Variants in CDH18 observed in about 807,000 individuals in gnomAD.
CDH18 encodes the protein cadherin 18, also known as cadherin-18.
In CDH18, 31 loss-of-function variants were observed where a neutral mutation model predicts 67.9. The observed-to-expected ratio is 0.46, with a 90% CI of 0.34 to 0.62. CDH18 has a LOEUF of 0.62. CDH18 is among the 20% of genes least tolerant of loss of function. CDH18 has a pLI of 0.01. For synonymous variants in CDH18, 362 were observed against 347.2 expected (o/e 1.04, Z -0.48); for missense variants, 890 against 975.5 (o/e 0.91, Z 1.17).
At chr5:19,664,588 T>A (rs1486104748) in intron 5 of CDH18, among the ~76,000 whole-genome samples, 3 of 93,100 alleles carry the variant, frequency 3.2e-5, no homozygotes, top group Non-Finnish European at 6.3e-5. Flanking sequence ...AACCCAAATA[T>A]ATATGCAAAG....
chr5:19,910,241 G>A (rs926773621), intron 2 of CDH18, among the ~76,000 whole-genome samples: 1 of 152,092 alleles, frequency 6.6e-6, no homozygotes, highest in African/African-American at 2.4e-5. Flanking sequence ...ATATATTCTA[G>A]TGAACTAGAG....
At chr5:19,957,308 G>A (rs28535516) in intron 2 of CDH18, among the ~76,000 whole-genome samples, 11,815 of 150,620 alleles carry the variant, frequency 0.078, 1,495 homozygotes, top group African/African-American at 0.27. Flanking sequence ...ATATGTATGT[G>A]TATATATATG....
chr5:20,172,214 A>ACATG (rs796558819), intron 2 of CDH18, among the ~76,000 whole-genome samples: 13 of 32,842 alleles, frequency 4.0e-4, no homozygotes, highest in African/African-American at 1.6e-3. Context: ...ATATATATAT[A>ACATG]TATATATATG....
intron 9 of CDH18, among the ~76,000 whole-genome samples, chr5:19,533,720 A>G (rs1339108450): frequency 6.6e-6 from 1 of 152,128 alleles, no homozygotes; most frequent in Non-Finnish European, 1.5e-5. Flanking sequence ...CTTGGCATGG[A>G]CAGTGCATTT....
chr5:20,129,547 T>C (rs1749093776), intron 2 of CDH18, among the ~76,000 whole-genome samples: 2 of 152,188 alleles, frequency 1.3e-5, no homozygotes, highest in East Asian at 1.9e-4. Flanking sequence ...TCCAAAGAAA[T>C]GTGAGTTGAT....
intron 2 of CDH18, among the ~76,000 whole-genome samples, chr5:20,122,795 C>T (rs967791709): frequency 1.4e-5 from 2 of 146,706 alleles, no homozygotes; most frequent in Admixed American, 6.9e-5. Context: ...TTTTCTAATT[C>T]GATATGAATA....
intron 8 of CDH18, among the ~76,000 whole-genome samples, chr5:19,548,624 T>C (rs1180572231): frequency 2.6e-5 from 4 of 152,136 alleles, no homozygotes; most frequent in Middle Eastern, 3.4e-3. Flanking sequence ...ATGAGGTAAG[T>C]ACTATTACTA....
intron 2 of CDH18, among the ~76,000 whole-genome samples, chr5:20,113,563 G>T (rs989747195): frequency 3.3e-5 from 5 of 152,090 alleles, no homozygotes; most frequent in African/African-American, 1.2e-4. Flanking sequence ...AATAAAAATG[G>T]TTTGCTTATG....
Position 19,843,922 on chromosome 5 carries a change from CCATTGGAGAAGAATT to C in CDH18, c.-256-4695_-256-4681del, listed in dbSNP as rs1159530797. Among the ~76,000 whole-genome samples, 7 of 152,304 alleles carry C rather than the reference CCATTGGAGAAGAATT, an allele frequency of 4.6e-5. No individual in the cohort carries two copies. The East Asian group carries it at 1.2e-3, about 25-fold the overall frequency. Reference sequence around the variant, plus strand: ...GCCCCTTTGTTTTGGCCAATTTCTCCCATTGGAGAAGAATTCAAAGATTGATTCTTATTCAAAACT... The same window carrying C: ...GCCCCTTTGTTTTGGCCAATTTCTCCCAAAGATTGATTCTTATTCAAAACT... On this transcript the variant is annotated intron_variant, in intron 2 of 12. Transcript: ENST00000382275.
chr5:20,318,701 G>T (rs748769059), intron 1 of CDH18, among the ~76,000 whole-genome samples: 1 of 152,088 alleles, frequency 6.6e-6, no homozygotes, highest in Non-Finnish European at 1.5e-5. Context: ...AGATGGTGAC[G>T]ATGGTGACAT....
At chr5:19,762,873 A>T (rs1044723030) in intron 3 of CDH18, among the ~76,000 whole-genome samples, 1 of 152,214 alleles carries the variant, frequency 6.6e-6, no homozygotes, top group African/African-American at 2.4e-5. Context: ...GATAGACTGG[A>T]TTAAGAAAAT....
rs574075167 is a variant in CDH18, at chr5:19,704,830, C to T, written c.643+16517G>A. Among the ~76,000 whole-genome samples the T allele has an allele frequency of 1.7e-4, 26 of 152,226 alleles. No homozygotes were observed. In the South Asian group the frequency reaches 5.4e-3, roughly 32 times the overall value. On this transcript the variant is annotated intron_variant, in intron 5 of 12. Transcript: ENST00000382275. ...AAATCAGGTAAATGGAGAATGTTGA[C>T]AGATCTTAGAGCCATTAATTCAGTT... is the stretch of plus-strand genomic sequence containing the variant.
chr5:20,431,597 A>G (rs759819419), intron 1 of CDH18, among the ~76,000 whole-genome samples: 2 of 152,158 alleles, frequency 1.3e-5, no homozygotes, highest in African/African-American at 2.4e-5. Context: ...GGAATCTTCC[A>G]TCAGACCATA....
intron 5 of CDH18, among the ~76,000 whole-genome samples, chr5:19,637,868 T>C (rs577503618): frequency 6.6e-6 from 1 of 152,302 alleles, no homozygotes; most frequent in East Asian, 1.9e-4. Flanking sequence ...CAAAACCCAA[T>C]GCAATGGTTT....
At chr5:19,655,649 T>C (rs1343568952) in intron 5 of CDH18, among the ~76,000 whole-genome samples, 1 of 152,150 alleles carries the variant, frequency 6.6e-6, no homozygotes, top group African/African-American at 2.4e-5. Context: ...TTTGGATATG[T>C]CACACTAATT....
intron 2 of CDH18, among the ~76,000 whole-genome samples, chr5:20,100,520 T>A (rs1746363630): frequency 6.6e-6 from 1 of 152,216 alleles, no homozygotes; most frequent in Admixed American, 6.5e-5. Flanking sequence ...TAAAAATATT[T>A]TCTCTCTGGA....
intron 2 of CDH18, among the ~76,000 whole-genome samples, chr5:20,067,487 C>T (rs1743078961): frequency 6.6e-6 from 1 of 151,946 alleles, no homozygotes; most frequent in African/African-American, 2.4e-5. Context: ...ATCCATATGT[C>T]ATAATACATT....
intron 5 of CDH18, among the ~76,000 whole-genome samples, chr5:19,689,118 A>G (rs1392065142): frequency 6.6e-6 from 1 of 152,112 alleles, no homozygotes; most frequent in Non-Finnish European, 1.5e-5. Flanking sequence ...ATATAACAAA[A>G]TAATAACTGA....
At chr5:20,031,100 G>C (rs974278483) in intron 2 of CDH18, among the ~76,000 whole-genome samples, 11 of 152,030 alleles carry the variant, frequency 7.2e-5, no homozygotes, top group Admixed American at 7.2e-4. Context: ...ATTTTTACCT[G>C]TGCATGAACT....
Sources: gnomAD v4.1 joint callset for allele counts (sites outside exome capture counted in the v4.1 genomes callset) on GRCh38, gnomAD v4.1.1 for gene constraint, MANE v1.5 for transcripts, NCBI Gene and HGNC (gene_info 2026-07-23, HGNC 2026-07-21) for gene names.